Variants in FLVCR2 observed in about 807,000 individuals in gnomAD.
FLVCR2 encodes FLVCR choline and putative heme transporter 2.
In FLVCR2, 38 loss-of-function variants were observed where a neutral mutation model predicts 48.9. That is an observed-to-expected ratio of 0.78 (90% CI 0.60 to 1.02). FLVCR2 has a LOEUF of 1.02. Among genes scored for constraint, FLVCR2 ranks in the 50% least tolerant of loss-of-function variants. The pLI is 0.00. For missense variants in FLVCR2, 664 were observed against 663.3 expected, an observed-to-expected ratio of 1.00 and a Z score of -0.01; for synonymous variants, 255 against 257.0, an observed-to-expected ratio of 0.99 and a Z score of 0.07.
intron 1 of FLVCR2, among the ~76,000 whole-genome samples, chr14:75,580,994 T>C (rs1329115923): frequency 6.6e-6 from 1 of 151,698 alleles, no homozygotes; most frequent in African/African-American, 2.4e-5. Context: ...CAGCGAAAAA[T>C]TTTGGGGGTG....
At chr14:75,604,756 G>A (rs1178205682) in intron 1 of FLVCR2, among the ~76,000 whole-genome samples, 1 of 152,132 alleles carries the variant, frequency 6.6e-6, no homozygotes, top group Non-Finnish European at 1.5e-5. Context: ...GGTGAAGGTT[G>A]AGCTGATTCC....
At chr14:75,588,073 C>T (rs769335896) in intron 1 of FLVCR2, among the ~76,000 whole-genome samples, 7 of 152,078 alleles carry the variant, frequency 4.6e-5, no homozygotes, top group Non-Finnish European at 7.4e-5. Flanking sequence ...TTCTAGCAGC[C>T]GCATTAAAGA....
In FLVCR2 at chr14:75,615,281, G is replaced by A. The variant is rs141648547; in HGVS notation, c.670-6798G>A. Among the ~76,000 whole-genome samples, 154 of 152,304 alleles carry A rather than the reference G, an allele frequency of 1.0e-3. 2 individuals are homozygous for A. In the East Asian group the frequency reaches 0.026, roughly 25 times the overall value. ...AGAAGGGTTTGGGAGGATCTGAGAC[G>A]AAGTGCATATAAGAGGGCAGAGTCA... On this transcript the variant is annotated intron_variant, in intron 1 of 9. Coordinates refer to ENST00000238667, the MANE Select transcript of FLVCR2 (RefSeq NM_017791.3).
At chr14:75,598,438 A>C (rs533658796) in intron 1 of FLVCR2, among the ~76,000 whole-genome samples, 9 of 151,724 alleles carry the variant, frequency 5.9e-5, no homozygotes, top group African/African-American at 2.2e-4. Flanking sequence ...TTGGCTTTTT[A>C]TATTTTTTTT....
At chr14:75,625,955 A>G (rs1338316382) in intron 3 of FLVCR2, among the ~76,000 whole-genome samples, 2 of 151,932 alleles carry the variant, frequency 1.3e-5, no homozygotes, top group Non-Finnish European at 2.9e-5. Context: ...CAGAGTTCAA[A>G]TACAAGTTTG....
At chr14:75,588,508 G>C (rs1287742628) in intron 1 of FLVCR2, among the ~76,000 whole-genome samples, 1 of 152,090 alleles carries the variant, frequency 6.6e-6, no homozygotes, top group Non-Finnish European at 1.5e-5. Context: ...TTGAGATAGA[G>C]TCTCATTCTA....
intron 6 of FLVCR2, among the ~76,000 whole-genome samples, chr14:75,640,069 C>T (rs1444599068): frequency 2.6e-5 from 4 of 151,966 alleles, no homozygotes; most frequent in African/African-American, 7.3e-5. Context: ...ACCAGCCTGG[C>T]CAATATGGTG....
intron 1 of FLVCR2, among the ~76,000 whole-genome samples, chr14:75,619,813 T>C (rs906048546): frequency 6.6e-6 from 1 of 151,920 alleles, no homozygotes; most frequent in Non-Finnish European, 1.5e-5. Context: ...AAAGCCGGAG[T>C]TGGGGTGGAA....
chr14:75,591,292 C>T (rs1403482493), intron 1 of FLVCR2, among the ~76,000 whole-genome samples: 1 of 152,232 alleles, frequency 6.6e-6, no homozygotes, highest in Non-Finnish European at 1.5e-5. Context: ...ATCCTACCAC[C>T]TTGGCCTCTC....
At chr14:75,608,687 ATGT>A (rs1328225191) in intron 1 of FLVCR2, among the ~76,000 whole-genome samples, 1 of 152,164 alleles carries the variant, frequency 6.6e-6, no homozygotes, top group East Asian at 1.9e-4. Context: ...CCTTGTGAAG[ATGT>A]TGGAACCCTT....
chr14:75,635,574 G>A (rs534596985), intron 5 of FLVCR2, among the ~76,000 whole-genome samples: 29 of 152,304 alleles, frequency 1.9e-4, no homozygotes, highest in Non-Finnish European at 2.5e-4. Flanking sequence ...ATTTTAAAAG[G>A]TTTTATCAGG....
At chr14:75,594,682 CATAATA>C (rs897492302) in intron 1 of FLVCR2, among the ~76,000 whole-genome samples, 3 of 151,340 alleles carry the variant, frequency 2.0e-5, no homozygotes, top group African/African-American at 7.3e-5. Flanking sequence ...AACCCACCCT[CATAATA>C]ATGAGTCCAC....
intron 1 of FLVCR2, among the ~76,000 whole-genome samples, chr14:75,612,777 C>T (rs972541392): frequency 4.6e-5 from 7 of 152,088 alleles, no homozygotes; most frequent in African/African-American, 1.2e-4. Context: ...CTGGGGCATC[C>T]GCAGACTCAG....
At chr14:75,642,194 C>T (rs1359714431) in intron 9 of FLVCR2, among the ~76,000 whole-genome samples, 1 of 152,256 alleles carries the variant, frequency 6.6e-6, no homozygotes, top group Admixed American at 6.5e-5. Context: ...CTGAACAGCA[C>T]CCCTGACTGG....
At chr14:75,585,386 C>T (rs1165475891) in intron 1 of FLVCR2, among the ~76,000 whole-genome samples, 1 of 151,994 alleles carries the variant, frequency 6.6e-6, no homozygotes, top group Non-Finnish European at 1.5e-5. Flanking sequence ...TGTATTGGGG[C>T]CAAGCGGGAT....
chr14:75,581,045 G>C (rs1056235297), intron 1 of FLVCR2, among the ~76,000 whole-genome samples: 1 of 151,884 alleles, frequency 6.6e-6, no homozygotes, highest in East Asian at 1.9e-4. Context: ...GGACTGCTTC[G>C]AGCGGGATTA....
intron 3 of FLVCR2, among the ~76,000 whole-genome samples, chr14:75,626,473 A>C (rs1889903446): frequency 6.6e-6 from 1 of 151,848 alleles, no homozygotes; most frequent in Admixed American, 6.6e-5. Context: ...AGGCATACAT[A>C]GAAATTAGGT....
intron 1 of FLVCR2, among the ~76,000 whole-genome samples, chr14:75,598,699 C>T (rs1282674301): frequency 1.3e-5 from 2 of 152,212 alleles, no homozygotes; most frequent in Admixed American, 6.5e-5. Flanking sequence ...TGGTCTTGAA[C>T]TCCTGGCCTC....
intron 1 of FLVCR2, among the ~76,000 whole-genome samples, chr14:75,581,454 T>C (rs1006021375): frequency 6.6e-6 from 1 of 152,148 alleles, no homozygotes; most frequent in Non-Finnish European, 1.5e-5. Context: ...TTCTTGAAGA[T>C]TGAGGACGGT....
Sources: gnomAD v4.1 joint callset for allele counts (sites outside exome capture counted in the v4.1 genomes callset) on GRCh38, gnomAD v4.1.1 for gene constraint, MANE v1.5 for transcripts, NCBI Gene and HGNC (gene_info 2026-07-23, HGNC 2026-07-21) for gene names.